The following DCPS variants were observed in gnomAD, a reference collection of about 807,000 sequenced individuals.
The protein encoded by DCPS is decapping enzyme, scavenger, also known as m7GpppX diphosphatase.
Under a neutral mutation model 34.7 loss-of-function variants are expected in DCPS, and 27 were observed. The ratio of observed to expected loss-of-function variants is 0.78; its 90% CI spans 0.57 to 1.07. The LOEUF is 1.07. Among genes scored for constraint, DCPS ranks in the 50% least tolerant of loss-of-function variants. The pLI is 0.00. For synonymous variants in DCPS, 185 were observed against 185.7 expected, an observed-to-expected ratio of 1.00 and a Z score of 0.03; for missense variants, 464 against 436.9, an observed-to-expected ratio of 1.06 and a Z score of -0.55.
chr11:126,338,455 G>A lies in DCPS; in HGVS notation c.636+56G>A. On this transcript the variant is annotated intron_variant, in intron 4 of 5. Coordinates refer to ENST00000263579, the MANE Select transcript of DCPS (RefSeq NM_014026.6). The surrounding 1 kb of genome is among the most constrained non-coding windows in gnomAD (Gnocchi z 5.4). Reference sequence around the variant, plus strand: ...TCTGGCCACCCTGCTGTAAGTGCTGGTCCTTCTGACTGCCCTCTTTCTCAC... The same window carrying A: ...TCTGGCCACCCTGCTGTAAGTGCTGATCCTTCTGACTGCCCTCTTTCTCAC... 6.6e-7 allele frequency: 1 copy of A among 1,518,138 alleles called. No homozygotes were observed. The highest frequency in any genetic ancestry group is 1.7e-5 in the Admixed American group (1 of 59,634). The allele number at this position is 1,518,138 out of a possible 1,614,324, so 94.0% of individuals were successfully genotyped here. A position where few individuals can be genotyped will look rare whatever the true frequency, so the allele number is the denominator to read the frequency against.
In DCPS at chr11:126,338,762, T is replaced by C. The variant is rs1476513729; in HGVS notation, c.636+363T>C. ...GGTGTTTCCATTTTCTCCATTCCCCTTGACACCAGCAGATCCAGGCAGGCC... is the reference window on the plus strand; with the variant it reads ...GGTGTTTCCATTTTCTCCATTCCCCCTGACACCAGCAGATCCAGGCAGGCC... On this transcript the variant is annotated intron_variant, in intron 4 of 5. Coordinates refer to ENST00000263579, the MANE Select transcript of DCPS (RefSeq NM_014026.6). The surrounding 1 kb of genome is among the most constrained non-coding windows in gnomAD (Gnocchi z 5.4). 6.6e-6 allele frequency among the ~76,000 whole-genome samples: 1 copy of C among 152,176 alleles called. No individual in the cohort carries two copies. The highest frequency in any genetic ancestry group is 1.5e-5 in the Non-Finnish European group (1 of 68,038).
At position 126,315,500 on chromosome 11, in the gene DCPS, C is replaced by T. The variant is rs1289777934; in HGVS notation, c.376+8756C>T. The stretch of plus-strand genomic sequence containing the variant: ...GCTTGAGCTCAGGAGGTCAAGGCTG[C>T]AGTGAACTATGATTATGCCGCTGCA... On this transcript the variant is annotated intron_variant, in intron 2 of 5. Transcript: ENST00000263579. The surrounding 1 kb of genome is among the most constrained non-coding windows in gnomAD (Gnocchi z 6.1). Among the ~76,000 whole-genome samples the T allele has an allele frequency of 6.6e-6, 1 of 151,822 alleles. No individual in the cohort carries two copies. The highest frequency in any genetic ancestry group is 6.6e-5 in the Admixed American group (1 of 15,238).
At chr11:126,304,554 T>A (rs1237050889) in intron 1 of DCPS, among the ~76,000 whole-genome samples, 1 of 152,048 alleles carries the variant, frequency 6.6e-6, no homozygotes, top group African/African-American at 2.4e-5. Context: ...AAAGATCACA[T>A]GTTACATTCC....
Position 126,347,020 on chromosome 11 carries a change from G to A in DCPS, c.*1407G>A, listed in dbSNP as rs1951937252. 6.6e-6 allele frequency among the ~76,000 whole-genome samples: 1 copy of A among 151,942 alleles called. No individual in the cohort carries two copies. Among genetic ancestry groups the A allele is most frequent in the Non-Finnish European group, 1.5e-5 (1 of 68,014 alleles). ...CAGGAGAATCCCTTGAACCCGGGAGGCGGAGGTTGCCGTGAGCCACCGCAC... is the reference window on the plus strand; with the variant it reads ...CAGGAGAATCCCTTGAACCCGGGAGACGGAGGTTGCCGTGAGCCACCGCAC... On this transcript the variant is annotated 3_prime_UTR_variant, in exon 6 of 6. Transcript: ENST00000263579. The surrounding 1 kb of genome is among the most constrained non-coding windows in gnomAD (Gnocchi z 4.2).
At chr11:126,311,500 A>G (rs1424150147) in intron 2 of DCPS, among the ~76,000 whole-genome samples, 1 of 152,244 alleles carries the variant, frequency 6.6e-6, no homozygotes, top group African/African-American at 2.4e-5. Context: ...CTGAGTGGCC[A>G]TGAGCAGGAG....
chr11:126,316,438 C>T (rs1049126746), intron 2 of DCPS, among the ~76,000 whole-genome samples: 17 of 151,746 alleles, frequency 1.1e-4, no homozygotes, highest in African/African-American at 4.1e-4. Context: ...AGATTGGACA[C>T]CCTTGTATTA....
In DCPS at chr11:126,345,467, T is replaced by C; in HGVS notation, c.868T>C (p.Ser290Pro). ...CGCCCTGGGCTTCGAGGCCCCCGGCTCAGGCGTGGAGCGGGCCCACCTGCT... is the reference window on the plus strand; with the variant it reads ...CGCCCTGGGCTTCGAGGCCCCCGGCCCAGGCGTGGAGCGGGCCCACCTGCT... ...FTALGFEAPG[S>P]GVERAHLLAE... The change falls in exon 6 of 6, where the codon TCA becomes CCA. Residue 290 changes from serine to proline, a missense_variant. Physicochemically the swap from Ser to Pro is moderately conservative, Grantham distance 74. Transcript: ENST00000263579. The surrounding 1 kb of genome is among the most constrained non-coding windows in gnomAD (Gnocchi z 7.4). 1 of 1,614,142 alleles carries C rather than the reference T, an allele frequency of 6.2e-7. No homozygotes were observed. Among genetic ancestry groups the C allele is most frequent in the Non-Finnish European group, 8.5e-7 (1 of 1,180,012 alleles).
In DCPS at chr11:126,322,550, C is replaced by G. The variant is rs559395676; in HGVS notation, c.377-8855C>G. 1.3e-5 allele frequency among the ~76,000 whole-genome samples: 2 copies of G among 151,734 alleles called. No homozygotes were observed. Among genetic ancestry groups the G allele is most frequent in the African/African-American group, 4.8e-5 (2 of 41,350 alleles). Reference sequence around the variant, plus strand: ...AAGGGCTGGGATTACAGGTGTTAGCCACTATGCCCAGCCAGCATTCAGATT... The same window carrying G: ...AAGGGCTGGGATTACAGGTGTTAGCGACTATGCCCAGCCAGCATTCAGATT... On this transcript the variant is annotated intron_variant, in intron 2 of 5. Transcript: ENST00000263579. The surrounding 1 kb of genome is among the most constrained non-coding windows in gnomAD (Gnocchi z 4.2).
Position 126,342,805 on chromosome 11 carries a change from C to T in DCPS, c.637-502C>T, listed in dbSNP as rs1032263880. Among the ~76,000 whole-genome samples, 6 of 152,112 alleles carry T rather than the reference C, an allele frequency of 3.9e-5. No homozygotes were observed. Among genetic ancestry groups the T allele is most frequent in the African/African-American group, 7.2e-5 (3 of 41,424 alleles). ...TGAGCATATAGAACTCTCTGCTGGG[C>T]GCGGTGGCTCACGCCTGTAATCCCA... On this transcript the variant is annotated intron_variant, in intron 4 of 5. Coordinates refer to ENST00000263579, the MANE Select transcript of DCPS (RefSeq NM_014026.6). This position sits in a 1 kb window ranked among gnomAD's most constrained non-coding sequence, Gnocchi z 4.4.
At position 126,313,667 on chromosome 11, in the gene DCPS, CTA is replaced by C. The variant is rs1027786701; in HGVS notation, c.376+6925_376+6926del. 2.0e-5 allele frequency among the ~76,000 whole-genome samples: 3 copies of C among 152,090 alleles called. No individual in the cohort carries two copies. The highest frequency in any genetic ancestry group is 4.8e-5 in the African/African-American group (2 of 41,426). ...AGGGATGCATACATGTGTAATAAGACTATGAGGACAAAAAGGAAATGATTAAC... is the reference window on the plus strand; with the variant it reads ...AGGGATGCATACATGTGTAATAAGACTGAGGACAAAAAGGAAATGATTAAC... On this transcript the variant is annotated intron_variant, in intron 2 of 5. Transcript: ENST00000263579. The surrounding 1 kb of genome is among the most constrained non-coding windows in gnomAD (Gnocchi z 4.9).
At position 126,344,445 on chromosome 11, in the gene DCPS, C is replaced by T. The variant is rs1238741116; in HGVS notation, c.748-902C>T. Reference sequence around the variant, plus strand: ...CTTTGACCTGCCCTAGCAGCTCAGACAGCTCCACCCTGGCAGACAGACCTC... The same window carrying T: ...CTTTGACCTGCCCTAGCAGCTCAGATAGCTCCACCCTGGCAGACAGACCTC... On this transcript the variant is annotated intron_variant, in intron 5 of 5. Transcript: ENST00000263579. This position sits in a 1 kb window ranked among gnomAD's most constrained non-coding sequence, Gnocchi z 8.1. 6.6e-6 allele frequency among the ~76,000 whole-genome samples: 1 copy of T among 152,184 alleles called. No homozygotes were observed. Among genetic ancestry groups the T allele is most frequent in the Non-Finnish European group, 1.5e-5 (1 of 68,034 alleles).
chr11:126,339,494 G>A (rs1266025878), intron 4 of DCPS, among the ~76,000 whole-genome samples: 1 of 152,264 alleles, frequency 6.6e-6, no homozygotes, highest in African/African-American at 2.4e-5. Context: ...GGTTACACAG[G>A]CAAGTGAGCA....
chr11:126,345,765 G>A lies in DCPS; in HGVS notation c.*152G>A, dbSNP rs1316543692. On this transcript the variant is annotated 3_prime_UTR_variant, in exon 6 of 6. Transcript: ENST00000263579. This position sits in a 1 kb window ranked among gnomAD's most constrained non-coding sequence, Gnocchi z 7.4. ...AGCGGGCTCACTCAGTGTGGACAGCGTGGCCTGGGAGGCAGACAGATGGTG... is the reference window on the plus strand; with the variant it reads ...AGCGGGCTCACTCAGTGTGGACAGCATGGCCTGGGAGGCAGACAGATGGTG... 1 of 1,219,346 alleles carries A rather than the reference G, an allele frequency of 8.2e-7. No individual in the cohort carries two copies. Among genetic ancestry groups the A allele is most frequent in the South Asian group, 1.5e-5 (1 of 65,784 alleles). 75.5% of individuals were successfully genotyped at this position (1,219,346 alleles called of 1,614,324 possible).
At chr11:126,341,832 T>C (rs2401) in intron 4 of DCPS, 8,787 of 152,370 alleles carry the variant, frequency 0.058, 321 homozygotes, top group East Asian at 0.099. Flanking sequence ...CTGGTGCATG[T>C]AGCTCAGCTA....
chr11:126,321,333 C>T (rs1325728120), intron 2 of DCPS, among the ~76,000 whole-genome samples: 1 of 151,386 alleles, frequency 6.6e-6, no homozygotes, highest in Non-Finnish European at 1.5e-5. Context: ...AGAGTGGGGT[C>T]AGGGCACTGA....
Position 126,329,441 on chromosome 11 carries a change from G to A in DCPS, c.377-1964G>A, listed in dbSNP as rs1391773285. On this transcript the variant is annotated intron_variant, in intron 2 of 5. Transcript: ENST00000263579. This position sits in a 1 kb window ranked among gnomAD's most constrained non-coding sequence, Gnocchi z 5.0. Reference sequence around the variant, plus strand: ...AAGACGTTAAGCCCCATGCCCAAGGGTACACAGCCAGTATGGAGAGTCATG... The same window carrying A: ...AAGACGTTAAGCCCCATGCCCAAGGATACACAGCCAGTATGGAGAGTCATG... Among the ~76,000 whole-genome samples, 1 of 152,202 alleles carries A rather than the reference G, an allele frequency of 6.6e-6. No homozygotes were observed. The highest frequency in any genetic ancestry group is 1.5e-5 in the Non-Finnish European group (1 of 68,044).
At position 126,345,290 on chromosome 11, in the gene DCPS, G is replaced by A; in HGVS notation, c.748-57G>A. Reference sequence around the variant, plus strand: ...GGGAGGAGGGTCTAGGTGGGGACATGGCGCCGGGCCTCAGGCAGCACGGTG... The same window carrying A: ...GGGAGGAGGGTCTAGGTGGGGACATAGCGCCGGGCCTCAGGCAGCACGGTG... On this transcript the variant is annotated intron_variant, in intron 5 of 5. Transcript: ENST00000263579. The surrounding 1 kb of genome is among the most constrained non-coding windows in gnomAD (Gnocchi z 7.4). 1 of 1,597,114 alleles carries A rather than the reference G, an allele frequency of 6.3e-7. No homozygotes were observed. Among genetic ancestry groups the A allele is most frequent in the Non-Finnish European group, 8.5e-7 (1 of 1,172,062 alleles).
chr11:126,343,095 C>T (rs1398049741), intron 4 of DCPS, among the ~76,000 whole-genome samples: 3 of 149,000 alleles, frequency 2.0e-5, no homozygotes, highest in Admixed American at 2.0e-4. Context: ...AAAGGACTCT[C>T]ACATGGTATT....
At position 126,313,240 on chromosome 11, in the gene DCPS, C is replaced by T. The variant is rs1411578592; in HGVS notation, c.376+6496C>T. ...AGCAGAGGGGTGGGATCCTGGGAAT[C>T]GTTTCTCTGGTTGCAGGGAACTCCC... On this transcript the variant is annotated intron_variant, in intron 2 of 5. Coordinates refer to ENST00000263579, the MANE Select transcript of DCPS (RefSeq NM_014026.6). This position sits in a 1 kb window ranked among gnomAD's most constrained non-coding sequence, Gnocchi z 4.9. Among the ~76,000 whole-genome samples, 3 of 152,118 alleles carry T rather than the reference C, an allele frequency of 2.0e-5. No homozygotes were observed. Among genetic ancestry groups the T allele is most frequent in the African/African-American group, 4.8e-5 (2 of 41,414 alleles).
Sources: allele counts gnomAD v4.1 joint callset (sites outside exome capture counted in the v4.1 genomes callset), GRCh38; gene constraint gnomAD v4.1.1; non-coding constraint Gnocchi (gnomAD v3.1); transcripts MANE v1.5; gene names NCBI Gene and HGNC (gene_info 2026-07-23, HGNC 2026-07-21).